NELL1: variants seen among roughly 807,000 people sequenced by gnomAD.
The protein encoded by NELL1 is neural EGFL like 1, also known as protein kinase C-binding protein NELL1.
In NELL1, 76 loss-of-function variants were observed where a neutral mutation model predicts 107.4. The ratio of observed to expected loss-of-function variants is 0.71; its 90% confidence interval spans 0.59 to 0.86. NELL1 has a LOEUF of 0.86. Among genes scored for constraint, NELL1 ranks in the 40% least tolerant of loss-of-function variants. The probability of loss-of-function intolerance (pLI) is 0.00; values close to 1 mark genes in which losing one functional copy is unlikely to be tolerated. For missense variants in NELL1, 1,024 were observed against 1,005.5 expected, an observed-to-expected ratio of 1.02 and a Z score of -0.25; for synonymous variants, 353 against 341.2, an observed-to-expected ratio of 1.03 and a Z score of -0.38.
At chr11:21,453,784 A>G (rs1030462871) in intron 15 of NELL1, among the ~76,000 whole-genome samples, 4 of 149,206 alleles carry the variant, frequency 2.7e-5, no homozygotes, top group African/African-American at 9.9e-5. Context: ...CTTGTTAGCT[A>G]TAACTCTTTT....
At chr11:20,707,730 A>G (rs1025442524) in intron 2 of NELL1, among the ~76,000 whole-genome samples, 10 of 152,160 alleles carry the variant, frequency 6.6e-5, no homozygotes, top group African/African-American at 1.7e-4. Context: ...TTCCTCTGGA[A>G]GCTTTGTCTC....
At chr11:20,708,117 G>A (rs780050517) in intron 2 of NELL1, among the ~76,000 whole-genome samples, 3 of 152,224 alleles carry the variant, frequency 2.0e-5, no homozygotes, top group Non-Finnish European at 4.4e-5. Flanking sequence ...TGGTGAGTGA[G>A]GCTGTGTGGG....
At chr11:20,742,018 C>T (rs1855902127) in intron 2 of NELL1, among the ~76,000 whole-genome samples, 1 of 152,158 alleles carries the variant, frequency 6.6e-6, no homozygotes, top group Non-Finnish European at 1.5e-5. Flanking sequence ...GTCTATGGAC[C>T]ATACTTTGAG....
At chr11:20,855,675 A>G (rs1367655479) in intron 4 of NELL1, among the ~76,000 whole-genome samples, 1 of 152,210 alleles carries the variant, frequency 6.6e-6, no homozygotes, top group Non-Finnish European at 1.5e-5. Flanking sequence ...TCTATTTTTG[A>G]TGGATATGCA....
intron 12 of NELL1, among the ~76,000 whole-genome samples, chr11:20,981,039 A>G (rs151240466): frequency 6.6e-6 from 1 of 152,316 alleles, no homozygotes; most frequent in African/African-American, 2.4e-5. Context: ...CTGACATGTA[A>G]TAGTCATATA....
intron 13 of NELL1, among the ~76,000 whole-genome samples, chr11:21,135,315 T>C (rs1278932193): frequency 2.6e-5 from 4 of 152,192 alleles, no homozygotes; most frequent in African/African-American, 7.2e-5. Flanking sequence ...TTCTTAGGTA[T>C]AGATAGACAT....
chr11:20,707,185 T>A (rs1854986509), intron 2 of NELL1, among the ~76,000 whole-genome samples: 1 of 152,240 alleles, frequency 6.6e-6, no homozygotes, highest in Non-Finnish European at 1.5e-5. Context: ...TGTCACGTAG[T>A]TCTCCTGCCA....
rs1460964941 is a variant in NELL1, at chr11:20,947,393, G to T, written c.1129G>T (p.Asp377Tyr). 6.2e-7 allele frequency: 1 copy of T among 1,613,994 alleles called. No homozygotes were observed. The highest frequency in any genetic ancestry group is 1.7e-5 in the Admixed American group (1 of 60,006). The change falls in exon 11 of 20, where the codon GAT becomes TAT. Residue 377 changes from aspartate to tyrosine, a missense_variant. Asp to Tyr is a radical substitution (Grantham distance 160, BLOSUM62 -3). Coordinates refer to ENST00000357134, the MANE Select transcript of NELL1 (RefSeq NM_006157.5). ...MCPPLNCSEK[D>Y]HILPENQCCR... ...TCCTCCTTTGAACTGCTCAGAAAAGGATCACATTCTTCCTGAGAATCAGTG... is the reference window on the plus strand; with the variant it reads ...TCCTCCTTTGAACTGCTCAGAAAAGTATCACATTCTTCCTGAGAATCAGTG...
At chr11:21,342,650 A>T (rs1850597651) in intron 14 of NELL1, among the ~76,000 whole-genome samples, 1 of 150,556 alleles carries the variant, frequency 6.6e-6, no homozygotes, top group South Asian at 2.1e-4. Context: ...TTTAAAAAAA[A>T]AAAAAAAAGA....
At chr11:20,943,608 A>C (rs1427910259) in intron 10 of NELL1, among the ~76,000 whole-genome samples, 1 of 151,996 alleles carries the variant, frequency 6.6e-6, no homozygotes, top group Admixed American at 6.6e-5. Flanking sequence ...AAAACAAAAA[A>C]CCATATTTAT....
In NELL1 at chr11:20,885,487, C is replaced by G; in HGVS notation, c.550C>G (p.Pro184Ala). The change falls in exon 5 of 20, where the codon CCA (proline) becomes GCA (alanine). Residue 184 changes from proline to alanine, a missense_variant. Coordinates refer to ENST00000357134, the MANE Select transcript of NELL1 (RefSeq NM_006157.5). ...AGACCCTCCAGATACCAACCTTCCCCCAGGAATCAATTTATGGCTTGGCCA... is the reference window on the plus strand; with the variant it reads ...AGACCCTCCAGATACCAACCTTCCCGCAGGAATCAATTTATGGCTTGGCCA... ...VIDPPDTNLP[P>A]GINLWLGQRN... The G allele has an allele frequency of 6.8e-6, 11 of 1,613,650 alleles. No individual in the cohort carries two copies. The highest frequency in any genetic ancestry group is 9.3e-6 in the Non-Finnish European group (11 of 1,179,612).
chr11:21,533,574 G>A (rs944617561), intron 15 of NELL1, among the ~76,000 whole-genome samples: 1 of 152,138 alleles, frequency 6.6e-6, no homozygotes, highest in Admixed American at 6.6e-5. Flanking sequence ...GCAGAGGCAA[G>A]GCTTTGTGCT....
chr11:21,247,108 G>A (rs1438316426), intron 14 of NELL1, among the ~76,000 whole-genome samples: 3 of 152,146 alleles, frequency 2.0e-5, no homozygotes, highest in Admixed American at 2.0e-4. Context: ...TACCATGACT[G>A]GAGCTTGCAG....
intron 5 of NELL1, among the ~76,000 whole-genome samples, chr11:20,893,117 G>A (rs1177819595): frequency 3.3e-5 from 5 of 151,996 alleles, no homozygotes; most frequent in East Asian, 3.9e-4. Flanking sequence ...AGAGACATGG[G>A]TGAAGCTGGA....
At chr11:20,997,056 A>G (rs867743521) in intron 12 of NELL1, among the ~76,000 whole-genome samples, 12 of 152,222 alleles carry the variant, frequency 7.9e-5, no homozygotes, top group African/African-American at 2.7e-4. Context: ...GAGAGAAGCT[A>G]TAAGGGAAGA....
intron 16 of NELL1, among the ~76,000 whole-genome samples, chr11:21,539,136 G>A (rs900513985): frequency 3.9e-5 from 6 of 152,064 alleles, no homozygotes; most frequent in African/African-American, 1.4e-4. Context: ...CCCTTAGTAG[G>A]ACTTGTGACA....
Position 20,786,805 on chromosome 11 carries a change from G to A in NELL1, c.335+2975G>A, listed in dbSNP as rs541334232. Among the ~76,000 whole-genome samples the A allele has an allele frequency of 6.2e-3, 943 of 151,808 alleles. 5 individuals are homozygous for A. The highest frequency in any genetic ancestry group is 9.8e-3 in the Non-Finnish European group (667 of 67,894). ...GGGCATATCACAAGGTCAGGAGATCGAGACCATCCTGGCTAACACGGTGAA... is the reference window on the plus strand; with the variant it reads ...GGGCATATCACAAGGTCAGGAGATCAAGACCATCCTGGCTAACACGGTGAA... On this transcript the variant is annotated intron_variant, in intron 3 of 19. Coordinates refer to ENST00000357134, the MANE Select transcript of NELL1 (RefSeq NM_006157.5).
At chr11:21,402,623 G>A (rs548446046) in intron 15 of NELL1, among the ~76,000 whole-genome samples, 5 of 150,636 alleles carry the variant, frequency 3.3e-5, no homozygotes, top group Non-Finnish European at 3.0e-5. Context: ...CTAATGCTTG[G>A]TAGAAATCTA....
chr11:21,209,793 A>G (rs567871181), intron 13 of NELL1, among the ~76,000 whole-genome samples: 43 of 152,298 alleles, frequency 2.8e-4, no homozygotes, highest in African/African-American at 1.0e-3. Context: ...AAAAAAAAGA[A>G]GCGAAGCTAT....
Sources: allele counts gnomAD v4.1 joint callset (sites outside exome capture counted in the v4.1 genomes callset), GRCh38; gene constraint gnomAD v4.1.1; transcripts MANE v1.5; gene names NCBI Gene and HGNC (gene_info 2026-07-23, HGNC 2026-07-21).